The following MRM1 variants were observed in gnomAD, a reference collection of about 807,000 sequenced individuals.
MRM1 encodes rRNA methyltransferase 1, mitochondrial.
In MRM1, 24 loss-of-function variants were observed where a neutral mutation model predicts 25.0. The observed-to-expected ratio is 0.96, with a 90% CI of 0.69 to 1.35. The LOEUF is 1.35. Ranked by LOEUF, MRM1 falls within the 40% of genes most tolerant of loss-of-function variation. MRM1 has a pLI of 0.00. For synonymous variants in MRM1, 188 were observed against 199.2 expected, an observed-to-expected ratio of 0.94 and a Z score of 0.47; for missense variants, 431 against 464.1, an observed-to-expected ratio of 0.93 and a Z score of 0.65.
chr17:36,623,050 C>T, the MRM1 span, among the ~76,000 whole-genome samples: 2 of 152,194 alleles, frequency 1.3e-5, no homozygotes, highest in Admixed American at 6.5e-5. Flanking sequence ...ATATGGGGCA[C>T]GGGGTATGTT....
the MRM1 span, chr17:36,634,075 C>T: frequency 2.0e-5 from 3 of 152,246 alleles, no homozygotes; most frequent in Non-Finnish European, 4.4e-5. Context: ...TTTTCTCTCT[C>T]CCCCATTCTT....
chr17:36,602,018 G>A lies in MRM1; in HGVS notation c.208G>A (p.Ala70Thr). 2 of 1,611,290 alleles carry A rather than the reference G, an allele frequency of 1.2e-6. No homozygotes were observed. The highest frequency in any genetic ancestry group is 1.7e-6 in the Non-Finnish European group (2 of 1,178,902). ...TCTGCAGGCCGCCCGCCGCTCTGTGGCCCGGCTCCTGCTCCAGGCGGGTAA... is the reference window on the plus strand; with the variant it reads ...TCTGCAGGCCGCCCGCCGCTCTGTGACCCGGCTCCTGCTCCAGGCGGGTAA... ...LALQAARRSVARLLLQAGKAG... is the reference protein window; with the variant it reads ...LALQAARRSVTRLLLQAGKAG... Residue 70 changes from alanine (A) to threonine (T), a missense_variant, in exon 1 of 5, where the codon GCC (alanine) becomes ACC (threonine). By Grantham distance (58) the Ala-to-Thr change is moderately conservative (BLOSUM62 0). Coordinates refer to ENST00000614766, the MANE Select transcript of MRM1 (RefSeq NM_024864.5). The surrounding 1 kb of genome is among the most constrained non-coding windows in gnomAD (Gnocchi z 4.1).
chr17:36,623,974 T>A, the MRM1 span, among the ~76,000 whole-genome samples: 2 of 152,168 alleles, frequency 1.3e-5, no homozygotes, highest in African/African-American at 2.4e-5. Flanking sequence ...CCCTCTCCCC[T>A]CCCAGGATTC....
the MRM1 span, among the ~76,000 whole-genome samples, chr17:36,620,971 TCA>T: frequency 1.3e-5 from 2 of 152,174 alleles, no homozygotes; most frequent in African/African-American, 4.8e-5. Flanking sequence ...GGACCTTGGT[TCA>T]GTTGCTGCCT....
At chr17:36,633,139 G>A in the MRM1 span, among the ~76,000 whole-genome samples, 3 of 152,254 alleles carry the variant, frequency 2.0e-5, no homozygotes, top group South Asian at 2.1e-4. Flanking sequence ...CCTTCACCGC[G>A]GGGATCACAG....
At chr17:36,615,991 A>AAAC in the MRM1 span, among the ~76,000 whole-genome samples, 139 of 151,078 alleles carry the variant, frequency 9.2e-4, no homozygotes, top group East Asian at 4.1e-3. Flanking sequence ...AGACTGTCTC[A>AAAC]AACAACAACA....
intron 3 of MRM1, 26 bp from the exon 4 acceptor site, chr17:36,607,873 C>A (rs1264015988): frequency 6.2e-7 from 1 of 1,612,936 alleles, no homozygotes; most frequent in East Asian, 2.2e-5. Context: ...CTGGGCAACC[C>A]TAACCCTCAG....
chr17:36,622,586 A>G, the MRM1 span, among the ~76,000 whole-genome samples: 1 of 152,074 alleles, frequency 6.6e-6, no homozygotes, highest in Non-Finnish European at 1.5e-5. Flanking sequence ...AAAAAAAAAA[A>G]AAATTCAAAC....
the MRM1 span, among the ~76,000 whole-genome samples, chr17:36,615,699 A>G: frequency 4.0e-5 from 6 of 150,220 alleles, no homozygotes; most frequent in South Asian, 1.3e-3. Flanking sequence ...AGCTCCCCTT[A>G]GAAAGAGGAA....
At chr17:36,603,210 C>T in intron 2 of MRM1, 1 of 985,028 alleles carries the variant, frequency 1.0e-6, no homozygotes, top group Non-Finnish European at 1.2e-6. Context: ...AGAAATTTCC[C>T]TCTTAAGAAG....
At chr17:36,604,410 C>T (rs1440089692) in intron 2 of MRM1, among the ~76,000 whole-genome samples, 2 of 152,216 alleles carry the variant, frequency 1.3e-5, no homozygotes, top group Non-Finnish European at 2.9e-5. Context: ...TCACCATGTC[C>T]TCTCTGAGAG....
rs1463654186 is a variant in MRM1, at chr17:36,602,896, G to GT, written c.636+251dup. 1.0e-6 allele frequency: 1 copy of GT among 980,270 alleles called. No individual in the cohort carries two copies. Among genetic ancestry groups the GT allele is most frequent in the Admixed American group, 6.2e-5 (1 of 16,256 alleles). The allele number at this position is 980,270 out of a possible 1,614,324, so 60.7% of individuals were successfully genotyped here. ...AGGTATGCACCACTTTGCCTCTTCT[G>GT]TAAGTCAGCCTCAGTGTCTATTTGC... On this transcript the variant is annotated intron_variant, in intron 2 of 4. Transcript: ENST00000614766. This position sits in a 1 kb window ranked among gnomAD's most constrained non-coding sequence, Gnocchi z 4.1.
At chr17:36,632,181 C>T in the MRM1 span, among the ~76,000 whole-genome samples, 1 of 152,158 alleles carries the variant, frequency 6.6e-6, no homozygotes, top group Non-Finnish European at 1.5e-5. Flanking sequence ...CCTCCTGGCT[C>T]CTGGTACCTG....
the MRM1 span, among the ~76,000 whole-genome samples, chr17:36,629,467 A>T: frequency 6.6e-6 from 1 of 152,146 alleles, no homozygotes; most frequent in African/African-American, 2.4e-5. Context: ...TGGCGCTCTG[A>T]CATTGGACAA....
chr17:36,603,902 A>C (rs1446175384), intron 2 of MRM1, among the ~76,000 whole-genome samples: 3 of 152,118 alleles, frequency 2.0e-5, no homozygotes, highest in African/African-American at 7.2e-5. Flanking sequence ...CTGATAGGAG[A>C]TGAGGTTCCC....
the MRM1 span, among the ~76,000 whole-genome samples, chr17:36,618,023 T>C: frequency 6.6e-6 from 1 of 152,138 alleles, no homozygotes. Context: ...CTGATATTGA[T>C]GGGCAGAATT....
the MRM1 span, among the ~76,000 whole-genome samples, chr17:36,631,850 A>G: frequency 5.3e-5 from 8 of 152,166 alleles, no homozygotes; most frequent in African/African-American, 1.9e-4. Flanking sequence ...CCTTCCCCCT[A>G]CCTCAACTCT....
downstream of MRM1, among the ~76,000 whole-genome samples, chr17:36,612,242 A>G (rs2074981275): frequency 6.6e-6 from 1 of 152,192 alleles, no homozygotes; most frequent in South Asian, 2.1e-4. Context: ...AGTCAGGTAC[A>G]GGGGGCTTCT....
the MRM1 span, among the ~76,000 whole-genome samples, chr17:36,627,709 T>G: frequency 4.2e-5 from 6 of 144,438 alleles, no homozygotes; most frequent in African/African-American, 1.6e-4. Flanking sequence ...GAGACCAGCT[T>G]GGTCACTGAA....
Sources: gnomAD v4.1 joint callset for allele counts (sites outside exome capture counted in the v4.1 genomes callset) on GRCh38, gnomAD v4.1.1 for gene constraint, Gnocchi (gnomAD v3.1) non-coding constraint, MANE v1.5 for transcripts, NCBI Gene and HGNC (gene_info 2026-07-23, HGNC 2026-07-21) for gene names.